Variants in BCL2 observed in about 807,000 individuals in gnomAD.
BCL2 encodes BCL2 apoptosis regulator, also known as apoptosis regulator Bcl-2.
Under a neutral mutation model 14.2 loss-of-function variants are expected in BCL2, and 1 was observed. The ratio of observed to expected loss-of-function variants is 0.07; its 90% confidence interval spans 0.02 to 0.33. The LOEUF (loss-of-function observed/expected upper bound fraction) is 0.33. Among genes scored for constraint, BCL2 ranks in the 10% least tolerant of loss-of-function variants. The probability of loss-of-function intolerance (pLI) is 0.99; values close to 1 mark genes in which losing one functional copy is unlikely to be tolerated. For missense variants in BCL2, 247 were observed against 305.9 expected (o/e 0.81, Z 1.44); for synonymous variants, 151 against 137.2 (o/e 1.10, Z -0.70).
chr18:63,217,200 T>C (rs1053131610), intron 2 of BCL2, among the ~76,000 whole-genome samples: 2 of 152,238 alleles, frequency 1.3e-5, no homozygotes, highest in African/African-American at 4.8e-5. Flanking sequence ...AATTCATGCA[T>C]TGCCATCTAA....
In BCL2 at chr18:63,302,966, T is replaced by G. The variant is rs952451149; in HGVS notation, c.585+15116A>C. On this transcript the variant is annotated intron_variant, in intron 2 of 2. Coordinates refer to ENST00000333681, the MANE Select transcript of BCL2 (RefSeq NM_000633.3). ...GCCCTGGTTGCTGAAGGTGGGTTTG[T>G]TTTTAAGTAGAATAAAATGTACAGC... is the stretch of plus-strand genomic sequence containing the variant. The G allele has an allele frequency of 6.4e-6, 5 of 783,958 alleles. No homozygotes were observed. The African/African-American group carries it at 7.6e-5, about 12-fold the overall frequency. The allele number at this position is 783,958 out of a possible 1,614,324, so 48.6% of individuals were successfully genotyped here.
intron 2 of BCL2, among the ~76,000 whole-genome samples, chr18:63,241,578 C>T (rs1441617110): frequency 6.6e-6 from 1 of 152,160 alleles, no homozygotes; most frequent in African/African-American, 2.4e-5. Context: ...AAATGCTCCC[C>T]CATCCTGCTG....
chr18:63,164,603 G>T (rs1003205572), intron 2 of BCL2, among the ~76,000 whole-genome samples: 1 of 152,204 alleles, frequency 6.6e-6, no homozygotes, highest in Non-Finnish European at 1.5e-5. Flanking sequence ...AAAATAAAAA[G>T]CCCTGCCCAG....
At chr18:63,155,691 C>G (rs912968536) in intron 2 of BCL2, among the ~76,000 whole-genome samples, 1 of 152,160 alleles carries the variant, frequency 6.6e-6, no homozygotes, top group Admixed American at 6.5e-5. Flanking sequence ...GGCAATGCAG[C>G]GACCAGGAGC....
At chr18:63,217,567 A>T (rs892439910) in intron 2 of BCL2, among the ~76,000 whole-genome samples, 1 of 152,146 alleles carries the variant, frequency 6.6e-6, no homozygotes, top group African/African-American at 2.4e-5. Context: ...AAAAGCATCA[A>T]ATCTTGTCTT....
chr18:63,299,950 C>G (rs72945066), intron 2 of BCL2, among the ~76,000 whole-genome samples: 1 of 152,046 alleles, frequency 6.6e-6, no homozygotes, highest in Non-Finnish European at 1.5e-5. Context: ...TCTGTTTCCC[C>G]AGGAGACTGT....
chr18:63,295,190 A>G (rs1912765874), intron 2 of BCL2, among the ~76,000 whole-genome samples: 2 of 151,004 alleles, frequency 1.3e-5, no homozygotes, highest in South Asian at 2.1e-4. Context: ...AGTAATAATT[A>G]TTATTATTAT....
chr18:63,231,681 T>C (rs79188026), intron 2 of BCL2, among the ~76,000 whole-genome samples: 1,815 of 152,128 alleles, frequency 0.012, 29 homozygotes, highest in African/African-American at 0.041. Flanking sequence ...TAAAACTTCA[T>C]TGAAACTCAT....
At chr18:63,278,503 ATCT>A (rs1309744314) in intron 2 of BCL2, among the ~76,000 whole-genome samples, 1 of 152,170 alleles carries the variant, frequency 6.6e-6, no homozygotes, top group African/African-American at 2.4e-5. Flanking sequence ...AACTCTTGAT[ATCT>A]TATCACCCTG....
rs1029024188 is a variant in BCL2 at position 63,306,900 on chromosome 18, C to T, written c.585+11182G>A. Among the ~76,000 whole-genome samples the T allele has an allele frequency of 6.0e-5, 9 of 150,420 alleles. No homozygotes were observed. In the East Asian group the frequency reaches 1.6e-3, roughly 26 times the overall value. ...TCGTGTTAGCGTATTTTACGTGTGG[C>T]CCAAGACAATTCTTCTTCTTCCAAT... On this transcript the variant is annotated intron_variant, in intron 2 of 2. Coordinates refer to ENST00000333681, the MANE Select transcript of BCL2 (RefSeq NM_000633.3).
At chr18:63,151,566 T>C (rs1222386888) in intron 2 of BCL2, among the ~76,000 whole-genome samples, 1 of 151,930 alleles carries the variant, frequency 6.6e-6, no homozygotes, top group Admixed American at 6.6e-5. Context: ...AATGTGTGCA[T>C]AGGGAATGCT....
chr18:63,128,738 C>A lies in BCL2; in HGVS notation c.607G>T (p.Gly203Cys). 1 of 780,614 alleles carries A rather than the reference C, an allele frequency of 1.3e-6. No individual in the cohort carries two copies. The highest frequency in any genetic ancestry group is 2.4e-6 in the Non-Finnish European group (1 of 417,976). The allele number at this position is 780,614 out of a possible 1,614,324, so 48.4% of individuals were successfully genotyped here. Residue 203 changes from glycine (G) to cysteine (C), a missense_variant, in exon 3 of 3, where the codon GGC (glycine) becomes TGC (cysteine). Physicochemically the swap from Gly to Cys is radical, Grantham distance 159. Transcript: ENST00000333681. The stretch of plus-strand genomic sequence containing the variant: ...TCAAACAGAGGCCGCATGCTGGGGC[C>A]GTACAGTTCCACAAAGGCATCCTGC... ...GGWDAFVELY[G>C]PSMRPLFDFS...
At chr18:63,218,957 CTCT>C (rs2144683692) in intron 2 of BCL2, among the ~76,000 whole-genome samples, 1 of 152,300 alleles carries the variant, frequency 6.6e-6, no homozygotes, top group East Asian at 1.9e-4. Context: ...ACACCTAAGC[CTCT>C]TCTTAACTGG....
At chr18:63,182,167 G>A (rs762353281) in intron 2 of BCL2, among the ~76,000 whole-genome samples, 3 of 152,234 alleles carry the variant, frequency 2.0e-5, no homozygotes, top group Non-Finnish European at 4.4e-5. Flanking sequence ...CTTAGGGAGT[G>A]TGGCAGAATT....
intron 2 of BCL2, among the ~76,000 whole-genome samples, chr18:63,211,971 T>C (rs1379780387): frequency 1.3e-5 from 2 of 152,246 alleles, no homozygotes. Flanking sequence ...GGGAGGATGG[T>C]GTTCATGAAT....
chr18:63,213,710 C>G (rs1195075981), intron 2 of BCL2, among the ~76,000 whole-genome samples: 1 of 152,170 alleles, frequency 6.6e-6, no homozygotes, highest in African/African-American at 2.4e-5. Flanking sequence ...TGAAATCACA[C>G]TCCAGATTAC....
intron 2 of BCL2, among the ~76,000 whole-genome samples, chr18:63,196,601 T>C (rs1909452910): frequency 6.6e-6 from 1 of 152,144 alleles, no homozygotes; most frequent in African/African-American, 2.4e-5. Context: ...AATGAGCCTA[T>C]TGAAAATTAA....
At chr18:63,292,326 C>T (rs965778100) in intron 2 of BCL2, among the ~76,000 whole-genome samples, 1 of 152,028 alleles carries the variant, frequency 6.6e-6, no homozygotes, top group Non-Finnish European at 1.5e-5. Context: ...CTGGCCTACC[C>T]TATTGTCCCA....
chr18:63,310,535 T>C (rs966445354), intron 2 of BCL2, among the ~76,000 whole-genome samples: 3 of 152,234 alleles, frequency 2.0e-5, no homozygotes, highest in Non-Finnish European at 4.4e-5. Flanking sequence ...CAGTGATTTG[T>C]ATCCTTGTCT....
Sources: allele counts gnomAD v4.1 joint callset (sites outside exome capture counted in the v4.1 genomes callset), GRCh38; gene constraint gnomAD v4.1.1; transcripts MANE v1.5; gene names NCBI Gene and HGNC (gene_info 2026-07-23, HGNC 2026-07-21).